Variants in VRK1 observed in about 807,000 individuals in gnomAD.
VRK1 encodes the protein serine/threonine-protein kinase VRK1.
In VRK1, 33 loss-of-function variants were observed where a neutral mutation model predicts 57.1. That is an observed-to-expected ratio of 0.58 (90% CI 0.44 to 0.77). The LOEUF (loss-of-function observed/expected upper bound fraction) is 0.77. Among genes scored for constraint, VRK1 ranks in the 30% least tolerant of loss-of-function variants. The probability of loss-of-function intolerance (pLI) is 0.00; values close to 1 mark genes in which losing one functional copy is unlikely to be tolerated. For synonymous variants in VRK1, 137 were observed against 147.8 expected (o/e 0.93, Z 0.53); for missense variants, 413 against 477.3 (o/e 0.87, Z 1.25).
chr14:96,802,794 G>A (rs1003836251), intron 1 of VRK1, among the ~76,000 whole-genome samples: 3 of 152,170 alleles, frequency 2.0e-5, no homozygotes, highest in Admixed American at 6.5e-5. Context: ...CCATTTTATG[G>A]CTGTATCACA....
intron 1 of VRK1, among the ~76,000 whole-genome samples, chr14:96,830,033 G>T (rs1204869421): frequency 6.8e-6 from 1 of 146,140 alleles, no homozygotes; most frequent in Non-Finnish European, 1.5e-5. Flanking sequence ...CTTTCTTAGA[G>T]TCTTAAATAT....
At chr14:96,798,260 G>T (rs1320209431) in intron 1 of VRK1, among the ~76,000 whole-genome samples, 2 of 152,114 alleles carry the variant, frequency 1.3e-5, no homozygotes, top group Non-Finnish European at 2.9e-5. Flanking sequence ...CTCCATTCAG[G>T]GGCAACGCAT....
chr14:96,807,371 T>G (rs1885921609), intron 1 of VRK1, among the ~76,000 whole-genome samples: 1 of 152,222 alleles, frequency 6.6e-6, no homozygotes, highest in Non-Finnish European at 1.5e-5. Flanking sequence ...TCTCAGTCTT[T>G]TTGATTTGAA....
chr14:96,808,002 C>CGTCTCT (rs1555357994), intron 1 of VRK1, among the ~76,000 whole-genome samples: 14 of 118,140 alleles, frequency 1.2e-4, no homozygotes, highest in Non-Finnish European at 2.1e-4. Flanking sequence ...TCCCTCTCTC[C>CGTCTCT]CTCTCTCTCT....
At chr14:96,857,377 G>A (rs1019809209) in intron 10 of VRK1, among the ~76,000 whole-genome samples, 1 of 152,110 alleles carries the variant, frequency 6.6e-6, no homozygotes, top group Non-Finnish European at 1.5e-5. Context: ...AAGGAGGTGA[G>A]GGAGGGAGTG....
intron 11 of VRK1, among the ~76,000 whole-genome samples, chr14:96,861,721 T>C (rs1888396437): frequency 6.6e-6 from 1 of 152,216 alleles, no homozygotes; most frequent in African/African-American, 2.4e-5. Flanking sequence ...AATTTCATCA[T>C]AGAATCTGAA....
At chr14:96,855,102 G>A in intron 7 of VRK1, 122 bp from the exon 8 acceptor site, 2 of 1,388,490 alleles carry the variant, frequency 1.4e-6, no homozygotes, top group African/African-American at 1.4e-5. Context: ...TGTTTGGAGT[G>A]TTATGGAATG....
intron 1 of VRK1, among the ~76,000 whole-genome samples, chr14:96,828,289 T>A (rs1373492975): frequency 6.6e-6 from 1 of 152,176 alleles, no homozygotes; most frequent in Non-Finnish European, 1.5e-5. Context: ...TACTGCCAAA[T>A]GAATTTTCAA....
intron 1 of VRK1, among the ~76,000 whole-genome samples, chr14:96,830,714 G>A (rs540721567): frequency 2.0e-5 from 3 of 151,914 alleles, no homozygotes; most frequent in African/African-American, 7.3e-5. Context: ...GCTGAGTTTC[G>A]TATGCAGCCA....
intron 2 of VRK1, among the ~76,000 whole-genome samples, chr14:96,834,234 T>C (rs1887126638): frequency 1.3e-5 from 2 of 152,210 alleles, no homozygotes; most frequent in Non-Finnish European, 2.9e-5. Flanking sequence ...AGCTGTCTGC[T>C]TCACCAATAA....
rs868033436 is a variant in VRK1 at position 96,848,983 on chromosome 14, G to T, written c.374+1639G>T. ...AGGCAGGATAGACTTTTATTCTACT[G>T]TATGACCCAATGGCCGTCTTCCTGT... On this transcript the variant is annotated intron_variant, in intron 5 of 12. Transcript: ENST00000216639. Among the ~76,000 whole-genome samples, 12 of 152,176 alleles carry T rather than the reference G, an allele frequency of 7.9e-5. No individual in the cohort carries two copies. In the South Asian group the frequency reaches 1.2e-3, roughly 16 times the overall value.
At chr14:96,847,492 G>GAT in intron 5 of VRK1, 148 bp downstream of exon 5, 1 of 701,718 alleles carries the variant, frequency 1.4e-6, no homozygotes, top group East Asian at 2.8e-5. Context: ...AGAGGAATAA[G>GAT]ATGTTATCTC....
At chr14:96,832,092 A>G (rs1344258164) in intron 1 of VRK1, among the ~76,000 whole-genome samples, 3 of 143,988 alleles carry the variant, frequency 2.1e-5, no homozygotes, top group Non-Finnish European at 4.5e-5. Context: ...GCGAAGATGC[A>G]TTAGTATTCT....
intron 11 of VRK1, among the ~76,000 whole-genome samples, chr14:96,863,710 TA>T (rs1888475156): frequency 6.6e-6 from 1 of 152,198 alleles, no homozygotes; most frequent in Non-Finnish European, 1.5e-5. Context: ...TTTTACCTCC[TA>T]ATTTTAAAAT....
chr14:96,859,100 T>C (rs1888279619), intron 10 of VRK1: 1 of 152,226 alleles, frequency 6.6e-6, no homozygotes, highest in Non-Finnish European at 1.5e-5. Context: ...TAGGAAACTC[T>C]TGCTCATCTT....
At chr14:96,861,664 T>G (rs1422321545) in intron 11 of VRK1, among the ~76,000 whole-genome samples, 1 of 152,178 alleles carries the variant, frequency 6.6e-6, no homozygotes, top group Non-Finnish European at 1.5e-5. Flanking sequence ...GATAGGAATT[T>G]TGAAATTGGA....
intron 1 of VRK1, among the ~76,000 whole-genome samples, chr14:96,808,313 A>G (rs1885998370): frequency 6.6e-6 from 1 of 152,156 alleles, no homozygotes; most frequent in African/African-American, 2.4e-5. Context: ...GGAACTGCCT[A>G]GTCAGTCATT....
intron 1 of VRK1, among the ~76,000 whole-genome samples, chr14:96,831,038 TC>T (rs1227630313): frequency 1.3e-5 from 2 of 152,168 alleles, no homozygotes; most frequent in African/African-American, 4.8e-5. Context: ...CCCTTGCACT[TC>T]CTGGCTGTGG....
At chr14:96,822,838 A>G (rs985708625) in intron 1 of VRK1, among the ~76,000 whole-genome samples, 2 of 152,192 alleles carry the variant, frequency 1.3e-5, no homozygotes, top group Non-Finnish European at 1.5e-5. Context: ...GTAGCCTTCA[A>G]GGCCCTACTT....
Sources: gnomAD v4.1 joint callset for allele counts (sites outside exome capture counted in the v4.1 genomes callset) on GRCh38, gnomAD v4.1.1 for gene constraint, MANE v1.5 for transcripts, NCBI Gene and HGNC (gene_info 2026-07-23, HGNC 2026-07-21) for gene names.